SAG: variants seen among roughly 807,000 people sequenced by gnomAD.
SAG encodes the protein S-antigen visual arrestin, also known as S-arrestin.
A neutral mutation model predicts 55.0 loss-of-function variants in SAG; 45 were observed. The ratio of observed to expected loss-of-function variants is 0.82; its 90% confidence interval spans 0.64 to 1.05. The LOEUF (loss-of-function observed/expected upper bound fraction) is 1.05. Among genes scored for constraint, SAG ranks in the 50% least tolerant of loss-of-function variants. SAG has a pLI of 0.00. For missense variants in SAG, 455 were observed against 512.1 expected, an observed-to-expected ratio of 0.89 and a Z score of 1.08; for synonymous variants, 189 against 197.4, an observed-to-expected ratio of 0.96 and a Z score of 0.36.
At chr2:233,313,462 G>T (rs1336540019) in intron 2 of SAG, among the ~76,000 whole-genome samples, 4 of 152,122 alleles carry the variant, frequency 2.6e-5, no homozygotes, top group African/African-American at 9.7e-5. Context: ...GAATAGCGAG[G>T]TCATAGTTAC....
At chr2:233,315,757 C>T (rs537115350) in intron 2 of SAG, among the ~76,000 whole-genome samples, 143 of 150,602 alleles carry the variant, frequency 9.5e-4, no homozygotes, top group African/African-American at 3.3e-3. Context: ...GGCTGGAGTG[C>T]AGTGGCGTGC....
chr2:233,334,919 C>A, intron 10 of SAG, 43 bp from the exon 11 acceptor site: 1 of 1,608,616 alleles, frequency 6.2e-7, no homozygotes, highest in Non-Finnish European at 8.5e-7. Flanking sequence ...GGGTCCATGG[C>A]AGCTTTGATG....
chr2:233,310,796 C>T (rs1443352737), intron 2 of SAG, among the ~76,000 whole-genome samples: 2 of 152,044 alleles, frequency 1.3e-5, no homozygotes, highest in African/African-American at 2.4e-5. Flanking sequence ...TGTGAGCCAC[C>T]GCACCTGGCC....
At chr2:233,321,986 TACACACACAC>T (rs57822347) in intron 5 of SAG, among the ~76,000 whole-genome samples, 2,751 of 133,302 alleles carry the variant, frequency 0.021, 34 homozygotes, top group East Asian at 0.032. Flanking sequence ...CTACTAAAAA[TACACACACAC>T]ACACACACAC....
intron 14 of SAG, chr2:233,342,898 A>G (rs1701147221): frequency 1.3e-5 from 2 of 157,954 alleles, no homozygotes; most frequent in South Asian, 1.8e-4. Context: ...AGCTGGAACT[A>G]CAGGCATACC....
intron 12 of SAG, 67 bp downstream of exon 12, chr2:233,338,820 T>C: frequency 1.5e-6 from 2 of 1,321,556 alleles, no homozygotes; most frequent in Non-Finnish European, 2.2e-6. Flanking sequence ...ACTTTTCCTT[T>C]CCTGAATGAC....
intron 9 of SAG, among the ~76,000 whole-genome samples, chr2:233,330,148 C>G (rs1700702144): frequency 6.6e-6 from 1 of 152,192 alleles, no homozygotes; most frequent in African/African-American, 2.4e-5. Context: ...AGCATCAAAG[C>G]ACAGGGGGTC....
At chr2:233,308,748 G>A (rs1227800445) in intron 1 of SAG, among the ~76,000 whole-genome samples, 1 of 152,176 alleles carries the variant, frequency 6.6e-6, no homozygotes, top group Admixed American at 6.6e-5. Context: ...CTTGAAAACA[G>A]TCTTTGCGAA....
chr2:233,312,873 C>T (rs1700114208), intron 2 of SAG, among the ~76,000 whole-genome samples: 1 of 152,222 alleles, frequency 6.6e-6, no homozygotes. Context: ...CCCCACCAGC[C>T]TTTGCCCTGG....
chr2:233,345,419 A>G (rs13384918), intron 14 of SAG: 17,334 of 152,182 alleles, frequency 0.11, 1,215 homozygotes, highest in African/African-American at 0.2. Context: ...CCTGACCTCA[A>G]TGGGGTCCCG....
chr2:233,327,284 C>T, intron 7 of SAG, 87 bp downstream of exon 7: 1 of 1,088,864 alleles, frequency 9.2e-7, no homozygotes. Context: ...GTGGGACAGA[C>T]CTCTTCCCAT....
chr2:233,331,150 T>C (rs905749095), intron 9 of SAG, among the ~76,000 whole-genome samples: 6 of 152,208 alleles, frequency 3.9e-5, no homozygotes, highest in African/African-American at 1.4e-4. Flanking sequence ...TACCCCCATT[T>C]TACTGATGGG....
chr2:233,330,333 T>C (rs1008020352), intron 9 of SAG, among the ~76,000 whole-genome samples: 2 of 152,118 alleles, frequency 1.3e-5, no homozygotes, highest in Admixed American at 1.3e-4. Flanking sequence ...GAACTTCCAG[T>C]CCTAAAATGG....
intron 2 of SAG, among the ~76,000 whole-genome samples, chr2:233,311,589 G>T (rs116268653): frequency 0.014 from 2,184 of 152,262 alleles, 53 homozygotes; most frequent in African/African-American, 0.05. Flanking sequence ...CAGGAAGAAG[G>T]GGTGTGTGGC....
intron 6 of SAG, 72 bp from the exon 7 acceptor site, chr2:233,327,049 G>A (rs1380728102): frequency 3.6e-6 from 4 of 1,114,554 alleles, no homozygotes; most frequent in South Asian, 1.2e-5. Flanking sequence ...CCTGTGTGAG[G>A]TGTGGCCCTC....
chr2:233,338,296 T>A (rs1700999887), intron 11 of SAG, among the ~76,000 whole-genome samples: 1 of 151,870 alleles, frequency 6.6e-6, no homozygotes, highest in South Asian at 2.1e-4. Context: ...GGGAGATGAG[T>A]TACTGAGATA....
In SAG at chr2:233,316,090, G is replaced by A. The variant is rs1307007612; in HGVS notation, c.91G>A (p.Gly31Arg). ...CTTCTTGCAGGTGACCATCTACCTG[G>A]GGAACAGAGACTACATAGACCATGT... ...SRDKSVTIYL[G>R]NRDYIDHVSQ... Residue 31 changes from glycine (G) to arginine (R), a missense_variant, in exon 3 of 16, where the codon GGG becomes AGG. Coordinates refer to ENST00000409110, the MANE Select transcript of SAG (RefSeq NM_000541.5). 1 of 1,595,654 alleles carries A rather than the reference G, an allele frequency of 6.3e-7. No individual in the cohort carries two copies. The highest frequency in any genetic ancestry group is 8.6e-7 in the Non-Finnish European group (1 of 1,168,916).
intron 1 of SAG, among the ~76,000 whole-genome samples, chr2:233,308,543 C>G (rs1699998976): frequency 6.6e-6 from 1 of 151,408 alleles, no homozygotes; most frequent in East Asian, 1.9e-4. Context: ...AACAGAGTGG[C>G]TATCTCTTAG....
At chr2:233,333,468 G>GGT (rs1379356793) in intron 10 of SAG, 9 of 152,300 alleles carry the variant, frequency 5.9e-5, no homozygotes, top group African/African-American at 2.2e-4. Context: ...GAGCCTGGGA[G>GGT]CTGGACTGGA....
Sources: allele counts gnomAD v4.1 joint callset (sites outside exome capture counted in the v4.1 genomes callset), GRCh38; gene constraint gnomAD v4.1.1; transcripts MANE v1.5; gene names NCBI Gene and HGNC (gene_info 2026-07-23, HGNC 2026-07-21).